Variants in KCNT2 observed in about 807,000 individuals in gnomAD.
KCNT2 encodes potassium channel subfamily T member 2.
In KCNT2, 67 loss-of-function variants were observed where a neutral mutation model predicts 153.8. That is an observed-to-expected ratio of 0.44 (90% CI 0.36 to 0.53). The LOEUF is 0.53. Among genes scored for constraint, KCNT2 ranks in the 20% least tolerant of loss-of-function variants. The pLI is 0.00. For synonymous variants in KCNT2, 500 were observed against 458.8 expected (o/e 1.09, Z -1.15); for missense variants, 975 against 1,354.8 (o/e 0.72, Z 4.40).
At position 196,237,850 on chromosome 1, in the gene KCNT2, G is replaced by A. The variant is rs115950279; in HGVS notation, c.3212-1780C>T. ...TATATTGATGCTTACTACAAATAAG[G>A]TATAATTCCAACTCAAAACATATTT... is the stretch of plus-strand genomic sequence containing the variant. On this transcript the variant is annotated intron_variant, in intron 26 of 27. Transcript: ENST00000294725. Among the ~76,000 whole-genome samples the A allele has an allele frequency of 3.7e-3, 559 of 151,802 alleles. 3 individuals carry two copies. Among genetic ancestry groups the A allele is most frequent in the African/African-American group, 0.013 (520 of 41,468 alleles).
At chr1:196,573,357 T>C (rs1660993186) in intron 1 of KCNT2, among the ~76,000 whole-genome samples, 1 of 152,122 alleles carries the variant, frequency 6.6e-6, no homozygotes, top group African/African-American at 2.4e-5. Flanking sequence ...AAGTGCACCT[T>C]CTGTGATGGG....
chr1:196,316,793 A>G (rs768586160), intron 20 of KCNT2, among the ~76,000 whole-genome samples: 4 of 151,686 alleles, frequency 2.6e-5, no homozygotes, highest in Non-Finnish European at 4.4e-5. Flanking sequence ...GAAAATGTTT[A>G]TTTACCGTTA....
chr1:196,290,395 G>T (rs1170975917), intron 22 of KCNT2, among the ~76,000 whole-genome samples: 1 of 151,872 alleles, frequency 6.6e-6, no homozygotes, highest in East Asian at 1.9e-4. Flanking sequence ...ATGAACCTCA[G>T]GATAAAGTCC....
chr1:196,480,061 T>C (rs1194846391), intron 4 of KCNT2, among the ~76,000 whole-genome samples: 3 of 152,216 alleles, frequency 2.0e-5, no homozygotes, highest in African/African-American at 7.2e-5. Flanking sequence ...TTCTCTATTG[T>C]ATACACCATC....
chr1:196,440,686 A>C (rs1175462476), intron 8 of KCNT2, among the ~76,000 whole-genome samples: 2 of 151,926 alleles, frequency 1.3e-5, no homozygotes, highest in Non-Finnish European at 1.5e-5. Context: ...TTTAATAATG[A>C]AACTGTCAGT....
intron 3 of KCNT2, among the ~76,000 whole-genome samples, chr1:196,483,689 T>A (rs1475746426): frequency 1.3e-5 from 2 of 152,162 alleles, no homozygotes; most frequent in African/African-American, 4.8e-5. Context: ...TGTCAACTAA[T>A]CCCTTGGGCC....
intron 14 of KCNT2, among the ~76,000 whole-genome samples, chr1:196,357,241 TGA>T (rs1268634451): frequency 1.3e-5 from 2 of 151,972 alleles, no homozygotes; most frequent in Non-Finnish European, 2.9e-5. Context: ...TAGAGTTCAT[TGA>T]GAGTCAAGTG....
Position 196,563,444 on chromosome 1 carries a change from AAAAAAAG to A in KCNT2, c.95+44764_95+44770del, listed in dbSNP as rs1024804264. 5.0e-5 allele frequency among the ~76,000 whole-genome samples: 6 copies of A among 120,154 alleles called. No homozygotes were observed. The South Asian group carries it at 1.1e-3, about 22-fold the overall frequency. 78.8% of individuals were successfully genotyped at this position (120,154 alleles called of 152,430 possible). A position where few individuals can be genotyped will look rare whatever the true frequency, so the allele number is the denominator to read the frequency against. On this transcript the variant is annotated intron_variant, in intron 1 of 27. Transcript: ENST00000294725. ...ATCATTTTATCCCCAATAACAAAAA[AAAAAAAG>A]AAAAAAGAAAAAAAAAAAAACTTTT... is the stretch of plus-strand genomic sequence containing the variant.
chr1:196,450,781 T>C (rs1676091847), intron 8 of KCNT2, among the ~76,000 whole-genome samples: 1 of 151,844 alleles, frequency 6.6e-6, no homozygotes, highest in African/African-American at 2.4e-5. Flanking sequence ...CCATATAGTA[T>C]CCACAGCATT....
chr1:196,325,009 A>C (rs925625868), intron 19 of KCNT2, among the ~76,000 whole-genome samples: 1 of 152,074 alleles, frequency 6.6e-6, no homozygotes, highest in Non-Finnish European at 1.5e-5. Context: ...AGCTCCTGTC[A>C]CCTGTGTGAT....
intron 1 of KCNT2, among the ~76,000 whole-genome samples, chr1:196,498,202 C>G (rs956789608): frequency 2.6e-5 from 4 of 152,072 alleles, no homozygotes; most frequent in African/African-American, 9.7e-5. Flanking sequence ...AAATTTAAAT[C>G]AGGCCTCGTC....
intron 1 of KCNT2, among the ~76,000 whole-genome samples, chr1:196,562,800 T>C (rs1189818830): frequency 2.0e-5 from 3 of 151,796 alleles, no homozygotes; most frequent in Non-Finnish European, 4.4e-5. Context: ...TTGACAAAAG[T>C]AAACAAGGAA....
intron 22 of KCNT2, among the ~76,000 whole-genome samples, chr1:196,295,767 G>C (rs1037492886): frequency 6.6e-6 from 1 of 151,862 alleles, no homozygotes; most frequent in African/African-American, 2.4e-5. Context: ...TATTTTTATT[G>C]AGCATAAAAA....
chr1:196,356,326 T>C (rs1245931296), intron 14 of KCNT2, among the ~76,000 whole-genome samples: 3 of 151,784 alleles, frequency 2.0e-5, no homozygotes, highest in Admixed American at 6.6e-5. Context: ...TTAATCAGAC[T>C]ATTGGTCTGA....
chr1:196,276,603 A>T (rs910708817), intron 25 of KCNT2, among the ~76,000 whole-genome samples: 2 of 151,898 alleles, frequency 1.3e-5, no homozygotes, highest in African/African-American at 4.8e-5. Flanking sequence ...TTTCCTGCAG[A>T]TCATTATTTC....
At chr1:196,252,328 T>C (rs2102302114) in intron 26 of KCNT2, among the ~76,000 whole-genome samples, 1 of 151,868 alleles carries the variant, frequency 6.6e-6, no homozygotes, top group Non-Finnish European at 1.5e-5. Flanking sequence ...ATCTACTAAA[T>C]TCTTACATTG....
chr1:196,467,761 A>G lies in KCNT2; in HGVS notation c.485T>C (p.Leu162Pro). Residue 162 changes from leucine to proline, a missense_variant, in exon 7 of 28, where the codon CTA becomes CCA. By Grantham distance (98) the Leu-to-Pro change is moderately conservative (BLOSUM62 -3). Coordinates refer to ENST00000294725, the MANE Select transcript of KCNT2 (RefSeq NM_198503.5). ...ACAGTTCAGAAAGACTGGGACAAAT[A>G]GATTCCTTAAGGAAGGCCAGAATAT... The part of the protein sequence containing the change: ...ISIFWPSLRN[L>P]FVPVFLNCWL... 6.2e-7 allele frequency: 1 copy of G among 1,605,926 alleles called. No individual in the cohort carries two copies. Among genetic ancestry groups the G allele is most frequent in the Non-Finnish European group, 8.5e-7 (1 of 1,174,488 alleles).
At chr1:196,443,430 T>C (rs1418543136) in intron 8 of KCNT2, among the ~76,000 whole-genome samples, 1 of 151,500 alleles carries the variant, frequency 6.6e-6, no homozygotes, top group Non-Finnish European at 1.5e-5. Flanking sequence ...ACATTATACA[T>C]TGAGAGCAAA....
In KCNT2 at chr1:196,373,216, C is replaced by T. The variant is rs1225997766; in HGVS notation, c.1327G>A (p.Ala443Thr). The T allele has an allele frequency of 7.7e-6, 12 of 1,564,862 alleles. No individual in the cohort carries two copies. The highest frequency in any genetic ancestry group is 2.3e-5 in the East Asian group (1 of 44,426). Residue 443 changes from alanine (A) to threonine (T), a missense_variant, in exon 14 of 28, where the codon GCC (alanine) becomes ACC (threonine). Coordinates refer to ENST00000294725, the MANE Select transcript of KCNT2 (RefSeq NM_198503.5). The stretch of plus-strand genomic sequence containing the variant: ...CATATACAGTTTAAAGCTAACATGG[C>T]GTATTTAAACTCTTCTTCACAAACA... The part of the protein sequence containing the change: ...HVVCEEEFKY[A>T]MLALNCICPA...
Sources: allele counts gnomAD v4.1 joint callset (sites outside exome capture counted in the v4.1 genomes callset), GRCh38; gene constraint gnomAD v4.1.1; transcripts MANE v1.5; gene names NCBI Gene and HGNC (gene_info 2026-07-23, HGNC 2026-07-21).